The following KMT2D variants were observed in gnomAD, a reference collection of about 807,000 sequenced individuals.
KMT2D encodes the protein histone-lysine N-methyltransferase 2D.
KMT2D carries 55 observed loss-of-function variants against 512.7 expected under a neutral mutation model. The observed-to-expected ratio is 0.11, with a 90% CI of 0.09 to 0.13. KMT2D has a LOEUF of 0.13. KMT2D is among the 10% of genes least tolerant of loss of function. The pLI is 1.00. For missense variants in KMT2D, 6,061 were observed against 7,127.9 expected (o/e 0.85, Z 5.39); for synonymous variants, 2,995 against 2,904.0 (o/e 1.03, Z -1.01).
At position 49,038,729 on chromosome 12, in the gene KMT2D, T is replaced by G. The variant is rs763464336; in HGVS notation, c.8627A>C (p.Gln2876Pro). 16 of 1,609,188 alleles carry G rather than the reference T, an allele frequency of 9.9e-6. No individual in the cohort carries two copies. Among genetic ancestry groups the G allele is most frequent in the Admixed American group, 3.4e-5 (2 of 59,110 alleles). Residue 2876 changes from glutamine to proline, a missense_variant, in exon 35 of 55, where the codon CAG becomes CCG. Physicochemically the swap from Gln to Pro is moderately conservative, Grantham distance 76. Around this residue, in one of 16 missense-constraint regions of KMT2D, gnomAD observed 527 missense variants for 578.9 expected, o/e 0.91. Coordinates refer to ENST00000301067, the MANE Select transcript of KMT2D (RefSeq NM_003482.4). The surrounding 1 kb of genome is among the most constrained non-coding windows in gnomAD (Gnocchi z 5.7). ...TACATTGTGCCGCAGCTCAATGAAC[T>G]GGGCAGGACCAGCTGGACCAGGCAC... ...EPVPGPAGPAQFIELRHNVQK... is the reference protein window; with the variant it reads ...EPVPGPAGPAPFIELRHNVQK...
At position 49,054,098 on chromosome 12, in the gene KMT2D, G is replaced by A. The variant is rs201796530; in HGVS notation, c.553C>T (p.Arg185Cys). Residue 185 changes from arginine (R) to cysteine (C), a missense_variant, in exon 6 of 55, where the codon CGC (arginine) becomes TGC (cysteine). Arg to Cys is a radical substitution (Grantham distance 180, BLOSUM62 -3). Around this residue, in one of 16 missense-constraint regions of KMT2D, gnomAD observed 160 missense variants for 225.8 expected, o/e 0.71. Coordinates refer to ENST00000301067, the MANE Select transcript of KMT2D (RefSeq NM_003482.4). This position sits in a 1 kb window ranked among gnomAD's most constrained non-coding sequence, Gnocchi z 6.4. Reference protein sequence around the residue: ...CTRLGASIPCRSPGCPRLYHF... With the variant: ...CTRLGASIPCCSPGCPRLYHF... Reference sequence around the variant, plus strand: ...TAAAGCCGTGGACATCCAGGTGAGCGGCAAGGGATGGAGGCACCGAGCCTG... The same window carrying A: ...TAAAGCCGTGGACATCCAGGTGAGCAGCAAGGGATGGAGGCACCGAGCCTG... 5.7e-5 allele frequency: 92 copies of A among 1,613,258 alleles called. No homozygotes were observed. Among genetic ancestry groups the A allele is most frequent in the East Asian group, 1.3e-4 (6 of 44,866 alleles).
Position 49,033,312 on chromosome 12 carries a change from G to A in KMT2D, c.11393C>T (p.Pro3798Leu), listed in dbSNP as rs2120441704. 6.3e-7 allele frequency: 1 copy of A among 1,592,182 alleles called. No homozygotes were observed. Among genetic ancestry groups the A allele is most frequent in the East Asian group, 2.3e-5 (1 of 43,820 alleles). Residue 3798 changes from proline (P) to leucine (L), a missense_variant, in exon 40 of 55, where the codon CCC (proline) becomes CTC (leucine). Around this residue, in one of 16 missense-constraint regions of KMT2D, gnomAD observed 1,600 missense variants for 1,754.9 expected, o/e 0.91. Coordinates refer to ENST00000301067, the MANE Select transcript of KMT2D (RefSeq NM_003482.4). ...QQLSPQPPQG[P>L]QGMLGPAQVA... Reference sequence around the variant, plus strand: ...CTGGGCAGGGCCCAGCATGCCCTGGGGCCCCTGGGGTGGTTGAGGGGACAG... The same window carrying A: ...CTGGGCAGGGCCCAGCATGCCCTGGAGCCCCTGGGGTGGTTGAGGGGACAG...
Position 49,030,332 on chromosome 12 carries a change from C to T in KMT2D, c.13947G>A (p.Gly4649=). The T allele has an allele frequency of 6.2e-7, 1 of 1,605,000 alleles. No individual in the cohort carries two copies. Among genetic ancestry groups the T allele is most frequent in the Non-Finnish European group, 8.5e-7 (1 of 1,175,956 alleles). ...VNGVTPSEEL[G]EHPKDAASAR... is the part of the protein sequence containing the mutation. The stretch of plus-strand genomic sequence containing the variant: ...CAGAGGCAGCATCCTTGGGGTGCTC[C>T]CCCAGCTCTTCAGATGGGGTGACGC... The change falls in exon 43 of 55, where the codon GGG becomes GGA. Residue 4649 remains glycine (G), a synonymous_variant. Coordinates refer to ENST00000301067, the MANE Select transcript of KMT2D (RefSeq NM_003482.4).
intron 48 of KMT2D, 59 bp downstream of exon 48, chr12:49,027,744 G>A (rs1942675252): frequency 9.7e-6 from 15 of 1,548,076 alleles, no homozygotes; most frequent in South Asian, 2.4e-5. Context: ...GTGAGCCACC[G>A]CGCCTGGCCG....
chr12:49,032,623 T>C lies in KMT2D; in HGVS notation c.12082A>G (p.Thr4028Ala), dbSNP rs775586844. The change falls in exon 40 of 55, where the codon ACC (threonine) becomes GCC (alanine). Residue 4028 changes from threonine to alanine, a missense_variant. Transcript: ENST00000301067. ...TLLLTGKEQNTVDPAVSSEAT... is the reference protein window; with the variant it reads ...TLLLTGKEQNAVDPAVSSEAT... ...TCTGAAGAAACGGCTGGGTCTACGG[T>C]GTTTTGTTCCTTGCCCGTCAGGAGG... 3 of 1,613,760 alleles carry C rather than the reference T, an allele frequency of 1.9e-6. No individual in the cohort carries two copies. Among genetic ancestry groups the C allele is most frequent in the Non-Finnish European group, 8.5e-7 (1 of 1,179,822 alleles).
In KMT2D at chr12:49,032,049, T is replaced by C. The variant is rs1486931783; in HGVS notation, c.12656A>G (p.Gln4219Arg). The C allele has an allele frequency of 6.2e-7, 1 of 1,613,488 alleles. No individual in the cohort carries two copies. Among genetic ancestry groups the C allele is most frequent in the Non-Finnish European group, 8.5e-7 (1 of 1,179,658 alleles). ...CATGAGGAGTGCCTGTAGCTGCTGCTGCTGCTGAGGACTTAAGTGCCGCAG... is the reference window on the plus strand; with the variant it reads ...CATGAGGAGTGCCTGTAGCTGCTGCCGCTGCTGAGGACTTAAGTGCCGCAG... ...PQLRHLSPQQ[Q>R]QQLQALLMQR... is the part of the protein sequence containing the mutation. Residue 4219 changes from glutamine (Q) to arginine (R), a missense_variant, in exon 40 of 55, where the codon CAG (glutamine) becomes CGG (arginine). Around this residue, in one of 16 missense-constraint regions of KMT2D, gnomAD observed 1,600 missense variants for 1,754.9 expected, o/e 0.91. Transcript: ENST00000301067.
At chr12:49,023,120 TG>T (rs1418468503) in intron 51 of KMT2D, among the ~76,000 whole-genome samples, 1 of 151,688 alleles carries the variant, frequency 6.6e-6, no homozygotes, top group Non-Finnish European at 1.5e-5. Flanking sequence ...GGGTGAGGGG[TG>T]GGGTGTGGAG....
chr12:49,023,701 A>G (rs1262745277), intron 51 of KMT2D, among the ~76,000 whole-genome samples: 2 of 152,238 alleles, frequency 1.3e-5, no homozygotes, highest in Non-Finnish European at 2.9e-5. Flanking sequence ...ATGGGAAGGA[A>G]AAGTTCAACC....
chr12:49,029,592 C>T, intron 43 of KMT2D, 116 bp from the exon 44 acceptor site: 1 of 718,140 alleles, frequency 1.4e-6, no homozygotes, highest in Non-Finnish European at 2.4e-6. Context: ...GATTAGCTGT[C>T]CTCCCACCTA....
At position 49,042,342 on chromosome 12, in the gene KMT2D, G is replaced by C; in HGVS notation, c.5868-12C>G. 1 of 1,515,656 alleles carries C rather than the reference G, an allele frequency of 6.6e-7. No homozygotes were observed. 93.9% of individuals were successfully genotyped at this position (1,515,656 alleles called of 1,614,324 possible). A position where few individuals can be genotyped will look rare whatever the true frequency, so the allele number is the denominator to read the frequency against. On this transcript the variant is annotated splice_polypyrimidine_tract_variant and intron_variant, in intron 28 of 54. Coordinates refer to ENST00000301067, the MANE Select transcript of KMT2D (RefSeq NM_003482.4). This position sits in a 1 kb window ranked among gnomAD's most constrained non-coding sequence, Gnocchi z 4.4. ...AGCCCCCGCGCTCCCTGGGGCGCAG[G>C]GGCAGAGAGTCACAGGGCGCAGGGA...
chr12:49,057,803 A>C (rs1349332573), intron 1 of KMT2D, among the ~76,000 whole-genome samples: 3 of 152,190 alleles, frequency 2.0e-5, no homozygotes, highest in Non-Finnish European at 4.4e-5. Flanking sequence ...CCCTGGATCT[A>C]AACTGGGGTA....
At position 49,030,806 on chromosome 12, in the gene KMT2D, C is replaced by T. The variant is rs780959660; in HGVS notation, c.13672-38G>A. ...AGATGACAAAGTTCAAAACCTGCAG[C>T]GTTTGCATCGCTGTCTTGCACAGCT... On this transcript the variant is annotated intron_variant, in intron 41 of 54. Transcript: ENST00000301067. 14 of 1,612,628 alleles carry T rather than the reference C, an allele frequency of 8.7e-6. No individual in the cohort carries two copies. The South Asian group carries it at 1.3e-4, about 15-fold the overall frequency.
rs1345425464 is a variant in KMT2D at position 49,050,309 on chromosome 12, A to G, written c.3279T>C (p.Pro1093=). 1 of 1,611,088 alleles carries G rather than the reference A, an allele frequency of 6.2e-7. No homozygotes were observed. The highest frequency in any genetic ancestry group is 8.5e-7 in the Non-Finnish European group (1 of 1,178,656). ...AAAGGTCCCCCATTGGGGAAGGGAG[A>G]GGACTGGTGGCACTGGGTTCCAAGG... ...CPALEPSATS[P]LPSPMGDLSC... is the part of the protein sequence containing the mutation. Residue 1093 remains proline, a synonymous_variant, in exon 12 of 55, where the codon CCT becomes CCC. Coordinates refer to ENST00000301067, the MANE Select transcript of KMT2D (RefSeq NM_003482.4).
rs1226573244 is a variant in KMT2D at position 49,051,456 on chromosome 12, G to A, written c.2227C>T (p.Leu743=). 5 of 1,613,548 alleles carry A rather than the reference G, an allele frequency of 3.1e-6. No homozygotes were observed. The highest frequency in any genetic ancestry group is 1.7e-5 in the Admixed American group (1 of 59,996). ...QLCPRSEGPH[L]SPRPEEPHLS... The stretch of plus-strand genomic sequence containing the variant: ...TGCGGCTCCTCAGGCCGGGGTGACA[G>A]GTGCGGCCCCTCGGACCGGGGGCAG... Residue 743 remains leucine, a synonymous_variant, in exon 11 of 55, where the codon CTG becomes TTG. Transcript: ENST00000301067.
Position 49,039,978 on chromosome 12 carries a change from T to C in KMT2D, c.7792A>G (p.Ser2598Gly), listed in dbSNP as rs1943422182. The stretch of plus-strand genomic sequence containing the variant: ...CCATAGCTCTCCCCTGTGGACCCGC[T>C]GCTGGGCCCCAGGGGGCTGCCCGAT... ...HPSGSPLGPS[S>G]GSTGESYGLS... The change falls in exon 32 of 55, where the codon AGC becomes GGC. Residue 2598 changes from serine to glycine, a missense_variant. Physicochemically the swap from Ser to Gly is moderately conservative, Grantham distance 56. Transcript: ENST00000301067. The surrounding 1 kb of genome is among the most constrained non-coding windows in gnomAD (Gnocchi z 5.0). 6.2e-7 allele frequency: 1 copy of C among 1,613,728 alleles called. No homozygotes were observed. The highest frequency in any genetic ancestry group is 1.1e-5 in the South Asian group (1 of 91,068).
rs1303648140 is a variant in KMT2D, at chr12:49,027,803, C to A, written c.14643G>T (p.Gln4881His). 6.4e-7 allele frequency: 1 copy of A among 1,562,334 alleles called. No homozygotes were observed. Among genetic ancestry groups the A allele is most frequent in the Non-Finnish European group, 8.7e-7 (1 of 1,153,062 alleles). Residue 4881 changes from glutamine to histidine, a missense_variant and splice_region_variant, in exon 48 of 55, where the codon CAG (glutamine) becomes CAT (histidine). By Grantham distance (24) the Gln-to-His change is conservative. This residue lies in a region of KMT2D where 1,600 missense variants were observed against 1,754.9 expected (regional missense o/e 0.91). Coordinates refer to ENST00000301067, the MANE Select transcript of KMT2D (RefSeq NM_003482.4). ...SQLDILSLLKQESPAPEPPTQ... is the reference protein window; with the variant it reads ...SQLDILSLLKHESPAPEPPTQ... ...ACCCCTTTTTCTCCCCCAGACCTAC[C>A]TGTTTCAGGAGGCTCAAGATGTCTA...
chr12:49,049,151 C>T lies in KMT2D; in HGVS notation c.3974G>A (p.Gly1325Glu). Residue 1325 changes from glycine (G) to glutamate (E), a missense_variant, in exon 13 of 55, where the codon GGA becomes GAA. Physicochemically the swap from Gly to Glu is moderately conservative, Grantham distance 98. This residue lies in a region of KMT2D where 447 missense variants were observed against 500.1 expected (regional missense o/e 0.89). Coordinates refer to ENST00000301067, the MANE Select transcript of KMT2D (RefSeq NM_003482.4). ...RGGAHGGRGR[G>E]RARLKSTASS... is the part of the protein sequence containing the mutation. ...AGCAGTTGACTTTAGCCGGGCCCGT[C>T]CTCTACCACGTCCTCCATGGGCTCC... The T allele has an allele frequency of 6.2e-7, 1 of 1,612,158 alleles. No individual in the cohort carries two copies. The highest frequency in any genetic ancestry group is 1.1e-5 in the South Asian group (1 of 90,554).
In KMT2D at chr12:49,046,734, C is replaced by T; in HGVS notation, c.4293G>A (p.Glu1431=). 1 of 1,614,006 alleles carries T rather than the reference C, an allele frequency of 6.2e-7. No individual in the cohort carries two copies. Among genetic ancestry groups the T allele is most frequent in the Non-Finnish European group, 8.5e-7 (1 of 1,179,904 alleles). ...GWRCVECIVC[E]VCGQASDPSR... ...AGGGGTCGGAGGCCTGGCCACACAC[C>T]TCACACACAATACACTCCACACAAC... The change falls in exon 16 of 55, where the codon GAG becomes GAA. Residue 1431 remains glutamate (E), a synonymous_variant. Coordinates refer to ENST00000301067, the MANE Select transcript of KMT2D (RefSeq NM_003482.4). This position sits in a 1 kb window ranked among gnomAD's most constrained non-coding sequence, Gnocchi z 4.2.
At chr12:49,029,942 A>G (rs1057418833) in intron 43 of KMT2D, among the ~76,000 whole-genome samples, 9 of 152,210 alleles carry the variant, frequency 5.9e-5, no homozygotes, top group African/African-American at 2.2e-4. Flanking sequence ...AGTTACTTGG[A>G]TACAGTAACA....
Sources: gnomAD v4.1 joint callset for allele counts (sites outside exome capture counted in the v4.1 genomes callset) on GRCh38, gnomAD v4.1.1 for gene constraint, gnomAD v4.1.1 regional missense constraint, Gnocchi (gnomAD v3.1) non-coding constraint, MANE v1.5 for transcripts, NCBI Gene and HGNC (gene_info 2026-07-23, HGNC 2026-07-21) for gene names.